IQCH: variants seen among roughly 807,000 people sequenced by gnomAD.
IQCH encodes the protein IQ domain-containing protein H.
IQCH carries 98 observed loss-of-function variants against 117.0 expected under a neutral mutation model. The ratio of observed to expected loss-of-function variants is 0.84; its 90% confidence interval spans 0.71 to 0.99. IQCH has a LOEUF of 0.99. Ranked by LOEUF, IQCH falls within the 50% of genes least tolerant of loss-of-function variation. The probability of loss-of-function intolerance (pLI) is 0.00; values close to 1 mark genes in which losing one functional copy is unlikely to be tolerated. For missense variants in IQCH, 1,102 were observed against 1,243.8 expected, an observed-to-expected ratio of 0.89 and a Z score of 1.72; for synonymous variants, 412 against 448.2, an observed-to-expected ratio of 0.92 and a Z score of 1.02.
chr15:67,322,247 T>C (rs1481693159), intron 4 of IQCH, among the ~76,000 whole-genome samples: 1 of 152,216 alleles, frequency 6.6e-6, no homozygotes, highest in African/African-American at 2.4e-5. Flanking sequence ...AAAATCTCTT[T>C]TCCTCTCTCA....
intron 6 of IQCH, among the ~76,000 whole-genome samples, chr15:67,347,393 A>G (rs1272081050): frequency 6.6e-6 from 1 of 152,118 alleles, no homozygotes; most frequent in Non-Finnish European, 1.5e-5. Flanking sequence ...AGAACATTAT[A>G]AACAACTTTA....
Position 67,391,470 on chromosome 15 carries a change from A to G in IQCH, c.1632+2464A>G, listed in dbSNP as rs890663662. Among the ~76,000 whole-genome samples, 3 of 152,128 alleles carry G rather than the reference A, an allele frequency of 2.0e-5. No individual in the cohort carries two copies. The highest frequency in any genetic ancestry group is 4.8e-5 in the African/African-American group (2 of 41,412). On this transcript the variant is annotated intron_variant, in intron 12 of 20. Coordinates refer to ENST00000335894, the MANE Select transcript of IQCH (RefSeq NM_001031715.3). The surrounding 1 kb of genome is among the most constrained non-coding windows in gnomAD (Gnocchi z 4.3). ...TGTTTGTACATCTCTCCAAGTTACT[A>G]TATGATTCTTGAATTTGTAATGGTA...
intron 14 of IQCH, among the ~76,000 whole-genome samples, chr15:67,410,917 C>G (rs552358740): frequency 6.6e-6 from 1 of 152,224 alleles, no homozygotes; most frequent in South Asian, 2.1e-4. Flanking sequence ...ACACTGGTAG[C>G]AATTGGGTTT....
intron 4 of IQCH, among the ~76,000 whole-genome samples, chr15:67,281,237 C>G (rs55885982): frequency 0.45 from 68,831 of 152,026 alleles, 16,067 homozygotes; most frequent in Non-Finnish European, 0.52. Flanking sequence ...TATATTATGC[C>G]TAGGGTGTGG....
intron 8 of IQCH, among the ~76,000 whole-genome samples, chr15:67,371,764 T>C (rs903371529): frequency 1.3e-5 from 2 of 152,228 alleles, no homozygotes; most frequent in African/African-American, 4.8e-5. Context: ...TCTCAGACCA[T>C]GCGTGCATGT....
intron 3 of IQCH, among the ~76,000 whole-genome samples, chr15:67,265,020 G>A (rs552302103): frequency 6.6e-6 from 1 of 152,236 alleles, no homozygotes; most frequent in Admixed American, 6.5e-5. Context: ...CAGCAAGTAA[G>A]AAAGCCTCAG....
intron 1 of IQCH, among the ~76,000 whole-genome samples, chr15:67,256,999 G>A (rs1965247210): frequency 6.6e-6 from 1 of 152,166 alleles, no homozygotes; most frequent in Admixed American, 6.5e-5. Flanking sequence ...ACCCAACTGT[G>A]CCAACGTGGA....
At chr15:67,299,145 G>T (rs1289939484) in intron 4 of IQCH, among the ~76,000 whole-genome samples, 1 of 151,334 alleles carries the variant, frequency 6.6e-6, no homozygotes, top group East Asian at 1.9e-4. Flanking sequence ...AGATCATTAT[G>T]TTAAGTGAAA....
intron 16 of IQCH, among the ~76,000 whole-genome samples, chr15:67,438,211 C>T (rs1470257863): frequency 1.3e-5 from 2 of 152,162 alleles, no homozygotes; most frequent in Non-Finnish European, 2.9e-5. Context: ...TCAGCAGAAA[C>T]CCTACAAGCT....
chr15:67,318,015 G>C (rs974958524), intron 4 of IQCH, among the ~76,000 whole-genome samples: 1 of 152,040 alleles, frequency 6.6e-6, no homozygotes, highest in Non-Finnish European at 1.5e-5. Context: ...ATGAAGCTTT[G>C]TTCACCCCCA....
Position 67,424,118 on chromosome 15 carries a change from C to T in IQCH, c.2505+2541C>T, listed in dbSNP as rs1419952594. On this transcript the variant is annotated intron_variant, in intron 16 of 20. Coordinates refer to ENST00000335894, the MANE Select transcript of IQCH (RefSeq NM_001031715.3). This position sits in a 1 kb window ranked among gnomAD's most constrained non-coding sequence, Gnocchi z 4.9. ...CCCTTCACTTGGCTGGTTCCATGTA[C>T]CTGGCCAGTCTTGTCTCACCCTAAC... 6.6e-6 allele frequency among the ~76,000 whole-genome samples: 1 copy of T among 152,174 alleles called. No individual in the cohort carries two copies. The highest frequency in any genetic ancestry group is 1.5e-5 in the Non-Finnish European group (1 of 68,028).
Position 67,344,084 on chromosome 15 carries a change from G to A in IQCH, c.530G>A (p.Arg177Gln), listed in dbSNP as rs375869262. 9 of 1,612,646 alleles carry A rather than the reference G, an allele frequency of 5.6e-6. No homozygotes were observed. The highest frequency in any genetic ancestry group is 2.2e-5 in the East Asian group (1 of 44,828). ...AHKGILSMIE[R>Q]GLIPPTARIT... ...TTAGGGATTTTAAGTATGATAGAAC[G>A]AGGGCTGATTCCACCAACAGCAAGG... The change falls in exon 6 of 21, where the codon CGA becomes CAA. Residue 177 changes from arginine (R) to glutamine (Q), a missense_variant. By Grantham distance (43) the Arg-to-Gln change is conservative. Transcript: ENST00000335894.
chr15:67,360,055 CA>C, intron 8 of IQCH, 170 bp downstream of exon 8: 1 of 568,108 alleles, frequency 1.8e-6, no homozygotes, highest in Non-Finnish European at 3.1e-6. Flanking sequence ...AAAAAAAAAA[CA>C]TGGTTCATTT....
chr15:67,309,271 A>AT (rs1268784218), intron 4 of IQCH, among the ~76,000 whole-genome samples: 9 of 152,092 alleles, frequency 5.9e-5, no homozygotes, highest in Non-Finnish European at 8.8e-5. Flanking sequence ...TTATACTGTC[A>AT]TTTAAAACAT....
chr15:67,401,497 C>T lies in IQCH; in HGVS notation c.2097+1192C>T, dbSNP rs1003092907. 3.3e-5 allele frequency among the ~76,000 whole-genome samples: 5 copies of T among 152,128 alleles called. No homozygotes were observed. The highest frequency in any genetic ancestry group is 7.3e-5 in the Non-Finnish European group (5 of 68,028). Reference sequence around the variant, plus strand: ...GCAGTGGGCTATGCAAAGTGATTTGCGTCTGCTTTGAGCATCCCGCTACGG... The same window carrying T: ...GCAGTGGGCTATGCAAAGTGATTTGTGTCTGCTTTGAGCATCCCGCTACGG... On this transcript the variant is annotated intron_variant, in intron 14 of 20. Transcript: ENST00000335894. This position sits in a 1 kb window ranked among gnomAD's most constrained non-coding sequence, Gnocchi z 4.7.
chr15:67,322,785 G>C (rs561599801), intron 4 of IQCH, among the ~76,000 whole-genome samples: 14 of 42,584 alleles, frequency 3.3e-4, no homozygotes, highest in African/African-American at 1.4e-3. Context: ...CAGGGGATGT[G>C]GGGGGTGGTT....
rs1317897940 is a variant in IQCH, at chr15:67,466,193, C to G, written c.2676+896C>G. Among the ~76,000 whole-genome samples the G allele has an allele frequency of 1.3e-5, 2 of 152,128 alleles. No homozygotes were observed. The highest frequency in any genetic ancestry group is 2.9e-5 in the Non-Finnish European group (2 of 68,028). On this transcript the variant is annotated intron_variant, in intron 17 of 20. Transcript: ENST00000335894. This position sits in a 1 kb window ranked among gnomAD's most constrained non-coding sequence, Gnocchi z 4.4. ...GCTGCGGGTTACCAACCTCAGCACC[C>G]TGAGTAACAAAGGGCATAGCCCCAT...
rs1372924990 is a variant in IQCH at position 67,261,285 on chromosome 15, T to C, written c.65T>C (p.Leu22Pro). 2 of 1,546,584 alleles carry C rather than the reference T, an allele frequency of 1.3e-6. No homozygotes were observed. The highest frequency in any genetic ancestry group is 4.2e-5 in the Admixed American group (2 of 47,780). The change falls in exon 2 of 21, where the codon CTT becomes CCT. Residue 22 changes from leucine to proline, a missense_variant. By Grantham distance (98) the Leu-to-Pro change is moderately conservative (BLOSUM62 -3). Transcript: ENST00000335894. ...TTATACCTATAGATCCATGAAGACCTTTATCAGTTAAAGGAGAAATTAACA... is the reference window on the plus strand; with the variant it reads ...TTATACCTATAGATCCATGAAGACCCTTATCAGTTAAAGGAGAAATTAACA... The part of the protein sequence containing the change: ...GSILIQIHED[L>P]YQLKEKLTKF...
In IQCH at chr15:67,366,461, A is replaced by G. The variant is rs1291971016; in HGVS notation, c.754-5650A>G. Among the ~76,000 whole-genome samples, 1 of 152,188 alleles carries G rather than the reference A, an allele frequency of 6.6e-6. No individual in the cohort carries two copies. The highest frequency in any genetic ancestry group is 1.5e-5 in the Non-Finnish European group (1 of 68,036). On this transcript the variant is annotated intron_variant, in intron 8 of 20. Coordinates refer to ENST00000335894, the MANE Select transcript of IQCH (RefSeq NM_001031715.3). This position sits in a 1 kb window ranked among gnomAD's most constrained non-coding sequence, Gnocchi z 4.4. ...ATCCATCGTGTGTTTTTGTTCCATG[A>G]GAATGCATCAAAGGATGGGGATTTT...
Sources: gnomAD v4.1 joint callset for allele counts (sites outside exome capture counted in the v4.1 genomes callset) on GRCh38, gnomAD v4.1.1 for gene constraint, Gnocchi (gnomAD v3.1) non-coding constraint, MANE v1.5 for transcripts, NCBI Gene and HGNC (gene_info 2026-07-23, HGNC 2026-07-21) for gene names.